Variants in FBXL17 observed in about 807,000 individuals in gnomAD.
The protein encoded by FBXL17 is F-box/LRR-repeat protein 17.
A neutral mutation model predicts 66.2 loss-of-function variants in FBXL17; 22 were observed. That is an observed-to-expected ratio of 0.33 (90% CI 0.24 to 0.47). The LOEUF is 0.47. Ranked by LOEUF, FBXL17 falls within the 20% of genes least tolerant of loss-of-function variation. FBXL17 has a pLI of 1.00. For missense variants in FBXL17, 878 were observed against 948.2 expected (o/e 0.93, Z 0.97); for synonymous variants, 474 against 400.5 (o/e 1.18, Z -2.19).
chr5:107,876,719 T>G (rs533374983), intron 8 of FBXL17, among the ~76,000 whole-genome samples: 1 of 152,322 alleles, frequency 6.6e-6, no homozygotes, highest in South Asian at 2.1e-4. Flanking sequence ...TGATTTTTTT[T>G]GGTCCTTTTT....
At chr5:108,348,667 G>A (rs1747439037) in intron 3 of FBXL17, 137 bp from the exon 4 acceptor site, 1 of 898,306 alleles carries the variant, frequency 1.1e-6, no homozygotes, top group Non-Finnish European at 1.6e-6. Context: ...AAGATAGAAT[G>A]TAAGCAATCC....
At chr5:108,054,839 C>A (rs186790801) in intron 6 of FBXL17, among the ~76,000 whole-genome samples, 3 of 152,210 alleles carry the variant, frequency 2.0e-5, no homozygotes, top group Admixed American at 6.5e-5. Flanking sequence ...AGCTTACCAC[C>A]ATGTTGTTCG....
intron 7 of FBXL17, among the ~76,000 whole-genome samples, chr5:107,986,591 A>T (rs1450755892): frequency 2.0e-5 from 3 of 151,732 alleles, no homozygotes; most frequent in Admixed American, 2.0e-4. Context: ...AATCAAGTAA[A>T]CTGTTTAAAA....
chr5:107,929,431 A>C (rs1750653537), intron 7 of FBXL17, among the ~76,000 whole-genome samples: 1 of 152,222 alleles, frequency 6.6e-6, no homozygotes, highest in Non-Finnish European at 1.5e-5. Flanking sequence ...GGGAACACAT[A>C]GTAAATTATT....
At chr5:108,041,006 A>G (rs1342035782) in intron 6 of FBXL17, among the ~76,000 whole-genome samples, 1 of 152,232 alleles carries the variant, frequency 6.6e-6, no homozygotes, top group East Asian at 1.9e-4. Context: ...GTATGAATAC[A>G]GACCAGGTTA....
chr5:107,969,763 AG>A (rs1752298380), intron 7 of FBXL17, among the ~76,000 whole-genome samples: 1 of 152,130 alleles, frequency 6.6e-6, no homozygotes, highest in South Asian at 2.1e-4. Context: ...CTTCCCCTAA[AG>A]CATACTAGAG....
intron 4 of FBXL17, among the ~76,000 whole-genome samples, chr5:108,302,884 C>T (rs1297025479): frequency 6.6e-6 from 1 of 151,500 alleles, no homozygotes; most frequent in Non-Finnish European, 1.5e-5. Flanking sequence ...ATAATTAAAG[C>T]CAAAAAGTCA....
chr5:107,979,102 T>A (rs1477876322), intron 7 of FBXL17, among the ~76,000 whole-genome samples: 1 of 152,204 alleles, frequency 6.6e-6, no homozygotes, highest in Non-Finnish European at 1.5e-5. Context: ...TTACTCCAGT[T>A]CCTGACATAC....
At chr5:108,121,057 C>T (rs1212622009) in intron 6 of FBXL17, among the ~76,000 whole-genome samples, 6 of 152,132 alleles carry the variant, frequency 3.9e-5, no homozygotes, top group Non-Finnish European at 5.9e-5. Context: ...TGGCCGAGTG[C>T]GGTGGCTCAC....
At chr5:108,202,458 A>G (rs1025961300) in intron 5 of FBXL17, among the ~76,000 whole-genome samples, 1 of 152,178 alleles carries the variant, frequency 6.6e-6, no homozygotes, top group Non-Finnish European at 1.5e-5. Context: ...ATACTAATTT[A>G]TGAAAACATC....
At chr5:108,236,827 A>T (rs1755626510) in intron 4 of FBXL17, among the ~76,000 whole-genome samples, 1 of 152,192 alleles carries the variant, frequency 6.6e-6, no homozygotes, top group Non-Finnish European at 1.5e-5. Context: ...TCATCTTCTG[A>T]ATGCAAAAGA....
chr5:108,355,348 G>A (rs1382651313), intron 3 of FBXL17, among the ~76,000 whole-genome samples: 1 of 151,590 alleles, frequency 6.6e-6, no homozygotes, highest in Non-Finnish European at 1.5e-5. Flanking sequence ...GAGCGCAGTG[G>A]CATGATCTTG....
At chr5:108,368,842 A>G (rs1170956094) in intron 1 of FBXL17, among the ~76,000 whole-genome samples, 2 of 152,094 alleles carry the variant, frequency 1.3e-5, no homozygotes, top group African/African-American at 2.4e-5. Context: ...GCCAAAGACA[A>G]AAGTCAAGGC....
At chr5:107,968,245 T>C (rs2112643308) in intron 7 of FBXL17, among the ~76,000 whole-genome samples, 1 of 152,216 alleles carries the variant, frequency 6.6e-6, no homozygotes, top group Non-Finnish European at 1.5e-5. Context: ...TTGTCTAATA[T>C]GACACAGCTA....
rs1047581930 is a variant in FBXL17 at position 108,163,515 on chromosome 5, C to T, written c.1745+22602G>A. ...TCCCGGGTTCACACCATTCTCCTGC[C>T]TCAGCCTCCCGAGTAGCGGGGACTA... On this transcript the variant is annotated intron_variant, in intron 6 of 8. Transcript: ENST00000542267. 2.6e-5 allele frequency among the ~76,000 whole-genome samples: 4 copies of T among 151,624 alleles called. No homozygotes were observed. In the South Asian group the frequency reaches 8.3e-4, roughly 32 times the overall value.
At chr5:108,196,884 C>G (rs1753701786) in intron 5 of FBXL17, among the ~76,000 whole-genome samples, 1 of 151,948 alleles carries the variant, frequency 6.6e-6, no homozygotes, top group Non-Finnish European at 1.5e-5. Flanking sequence ...AAATTCAAAA[C>G]TTTTTTTTAA....
intron 6 of FBXL17, among the ~76,000 whole-genome samples, chr5:108,046,601 A>C (rs1747263027): frequency 6.6e-6 from 1 of 152,120 alleles, no homozygotes; most frequent in Admixed American, 6.5e-5. Flanking sequence ...ATCTCTTTAT[A>C]TAACTTTCTA....
chr5:108,219,789 C>T (rs975511806), intron 5 of FBXL17, among the ~76,000 whole-genome samples: 1 of 152,030 alleles, frequency 6.6e-6, no homozygotes, highest in Non-Finnish European at 1.5e-5. Context: ...ATAACATTGG[C>T]AAGTTTTTTT....
intron 4 of FBXL17, among the ~76,000 whole-genome samples, chr5:108,316,812 T>G (rs1759386601): frequency 6.6e-6 from 1 of 151,210 alleles, no homozygotes; most frequent in African/African-American, 2.4e-5. Flanking sequence ...GATTTTTTTT[T>G]AGAGATCAGT....
Sources: gnomAD v4.1 joint callset for allele counts (sites outside exome capture counted in the v4.1 genomes callset) on GRCh38, gnomAD v4.1.1 for gene constraint, MANE v1.5 for transcripts, NCBI Gene and HGNC (gene_info 2026-07-23, HGNC 2026-07-21) for gene names.